Variants in OSGEPL1 observed in about 807,000 individuals in gnomAD.
The protein encoded by OSGEPL1 is O-sialoglycoprotein endopeptidase like 1.
In OSGEPL1, 26 loss-of-function variants were observed where a neutral mutation model predicts 37.2. The observed-to-expected ratio is 0.70, with a 90% CI of 0.51 to 0.97. OSGEPL1 has a LOEUF of 0.97. OSGEPL1 is among the 50% of genes least tolerant of loss of function. The probability of loss-of-function intolerance (pLI) is 0.00; values close to 1 mark genes in which losing one functional copy is unlikely to be tolerated. For synonymous variants in OSGEPL1, 140 were observed against 159.9 expected, an observed-to-expected ratio of 0.88 and a Z score of 0.94; for missense variants, 404 against 487.0, an observed-to-expected ratio of 0.83 and a Z score of 1.60.
At chr2:189,750,784 T>C in intron 7 of OSGEPL1, 128 bp from the exon 8 acceptor site, 1 of 612,858 alleles carries the variant, frequency 1.6e-6, no homozygotes, top group Non-Finnish European at 2.7e-6. Flanking sequence ...GTGGTGATGA[T>C]TCTTAAATAC....
At chr2:189,763,003 C>A, upstream of OSGEPL1, 3 of 985,316 alleles carry the variant, frequency 3.0e-6, no homozygotes, top group Non-Finnish European at 3.6e-6. Context: ...GTTTGTCTGA[C>A]TACACAACAT....
chr2:189,752,962 G>A lies in OSGEPL1; in HGVS notation c.981C>T (p.Val327=), dbSNP rs760750120. 9.3e-6 allele frequency: 15 copies of A among 1,611,536 alleles called. No homozygotes were observed. Among genetic ancestry groups the A allele is most frequent in the African/African-American group, 1.3e-5 (1 of 74,752 alleles). ...NNAVLVASGG[V]ASNFYIRRAL... is the part of the protein sequence containing the mutation. The stretch of plus-strand genomic sequence containing the variant: ...CTCTGCGGATATAGAAGTTACTTGC[G>A]ACACCACCAGATGCAACCTGAAGGA... The change falls in exon 6 of 9, where the codon GTC becomes GTT. Residue 327 remains valine, a synonymous_variant. Transcript: ENST00000264151.
At chr2:189,756,019 ATAAC>A (rs1466591871) in intron 2 of OSGEPL1, among the ~76,000 whole-genome samples, 1 of 152,212 alleles carries the variant, frequency 6.6e-6, no homozygotes, top group Non-Finnish European at 1.5e-5. Flanking sequence ...AAGAACTATA[ATAAC>A]TAACTGAATA....
rs1168281431 is a variant in OSGEPL1, at chr2:189,750,599, T to G, written c.1224A>C (p.Pro408=). The change falls in exon 8 of 9, where the codon CCA becomes CCC. Residue 408 remains proline (P), a synonymous_variant. Transcript: ENST00000264151. ...KEVGEASIKV[P]QLKMEI is the part of the protein sequence containing the mutation. ...GAAATCATATCTCCATTTTTAATTG[T>G]GGTACTTTTATGGAAGCTTCTCCAA... 3 of 1,586,698 alleles carry G rather than the reference T, an allele frequency of 1.9e-6. No individual in the cohort carries two copies. Among genetic ancestry groups the G allele is most frequent in the Non-Finnish European group, 8.6e-7 (1 of 1,163,466 alleles).
At position 189,755,284 on chromosome 2, in the gene OSGEPL1, TA is replaced by T. The variant is rs1376826391; in HGVS notation, c.497del (p.Leu166Ter). ...AGTGACCTCCAGAAATCAAAAGAAC[TA>T]AAAAAGGAAATTCTACTTTATTGGT... is the stretch of plus-strand genomic sequence containing the variant. ...RLTNKVEFPF[L>X]VLLISGGHCL... On this transcript the variant is annotated frameshift_variant, in exon 3 of 9. Coordinates refer to ENST00000264151, the MANE Select transcript of OSGEPL1 (RefSeq NM_022353.3). LOFTEE classifies it high-confidence loss of function. 1.4e-5 allele frequency: 22 copies of T among 1,613,106 alleles called. No individual in the cohort carries two copies. The highest frequency in any genetic ancestry group is 1.7e-5 in the Non-Finnish European group (20 of 1,179,676).
chr2:189,760,558 C>T (rs1408745243), intron 2 of OSGEPL1, among the ~76,000 whole-genome samples: 5 of 152,116 alleles, frequency 3.3e-5, no homozygotes, highest in African/African-American at 4.8e-5. Flanking sequence ...TTTGGGAGGC[C>T]GAGGTAGGTG....
In OSGEPL1 at chr2:189,750,453, A is replaced by T. The variant is rs1001483476; in HGVS notation, c.*28+97T>A. The T allele has an allele frequency of 5.9e-3, 2,654 of 446,370 alleles. 5 individuals carry two copies. The highest frequency in any genetic ancestry group is 0.01 in the South Asian group (294 of 29,340). 27.7% of individuals were successfully genotyped at this position (446,370 alleles called of 1,614,324 possible). ...AAGAGCAGGTAAAACATCAAATAGAAAAAAAAAAATAAAATCTTGATGAAT... is the reference window on the plus strand; with the variant it reads ...AAGAGCAGGTAAAACATCAAATAGATAAAAAAAAATAAAATCTTGATGAAT... On this transcript the variant is annotated intron_variant, in intron 8 of 8. Coordinates refer to ENST00000264151, the MANE Select transcript of OSGEPL1 (RefSeq NM_022353.3).
At position 189,755,165 on chromosome 2, in the gene OSGEPL1, T is replaced by G. The variant is rs373260336; in HGVS notation, c.609+8A>C. The G allele has an allele frequency of 3.2e-5, 51 of 1,593,584 alleles. No individual in the cohort carries two copies. The highest frequency in any genetic ancestry group is 4.1e-5 in the Non-Finnish European group (48 of 1,175,334). On this transcript the variant is annotated splice_region_variant and intron_variant, in intron 3 of 8. Coordinates refer to ENST00000264151, the MANE Select transcript of OSGEPL1 (RefSeq NM_022353.3). ...CAAAAAAGAATGGAGAAATTAATTCTTAATTACCTTGTCAAGCATGTCACC... is the reference window on the plus strand; with the variant it reads ...CAAAAAAGAATGGAGAAATTAATTCGTAATTACCTTGTCAAGCATGTCACC...
rs200883923 is a variant in OSGEPL1 at position 189,755,406 on chromosome 2, C to T, written c.376G>A (p.Val126Met). ...IKPGLALSLG[V>M]GLSFSLQLVG... ...AGCTGTAAGCTAAATGATAAGCCCA[C>T]TCCCAGGCTTAAAGCAAGTCCTGGT... The change falls in exon 3 of 9, where the codon GTG becomes ATG. Residue 126 changes from valine to methionine, a missense_variant. Coordinates refer to ENST00000264151, the MANE Select transcript of OSGEPL1 (RefSeq NM_022353.3). 133 of 1,611,694 alleles carry T rather than the reference C, an allele frequency of 8.3e-5. No individual in the cohort carries two copies. Among genetic ancestry groups the T allele is most frequent in the Admixed American group, 8.4e-5 (5 of 59,212 alleles).
Position 189,750,582 on chromosome 2 carries a change from A to T in OSGEPL1, c.1241T>A (p.Ile414Lys). ...GACTTTTTTGAACAGCAGAAATCAT[A>T]TCTCCATTTTTAATTGTGGTACTTT... is the stretch of plus-strand genomic sequence containing the variant. ...SIKVPQLKME[I>K] The change falls in exon 8 of 9, where the codon ATA (isoleucine) becomes AAA (lysine). Residue 414 changes from isoleucine to lysine, a missense_variant. Transcript: ENST00000264151. The T allele has an allele frequency of 6.4e-7, 1 of 1,560,856 alleles. No homozygotes were observed. Among genetic ancestry groups the T allele is most frequent in the South Asian group, 1.2e-5 (1 of 85,928 alleles).
intron 2 of OSGEPL1, among the ~76,000 whole-genome samples, chr2:189,759,171 G>A (rs544103553): frequency 2.4e-4 from 36 of 152,004 alleles, no homozygotes; most frequent in African/African-American, 8.7e-4. Flanking sequence ...CATAGTTATT[G>A]TTTGAGGCTC....
In OSGEPL1 at chr2:189,758,084, T is replaced by G. The variant is rs1225858325; in HGVS notation, c.222-2524A>C. On this transcript the variant is annotated intron_variant, in intron 2 of 8. Coordinates refer to ENST00000264151, the MANE Select transcript of OSGEPL1 (RefSeq NM_022353.3). ...TAGTCAATGAGTTCTCATGAGATCT[T>G]GTTGTTTAAAAGTGTGGGCCGGGAG... 3.3e-5 allele frequency among the ~76,000 whole-genome samples: 5 copies of G among 152,164 alleles called. No homozygotes were observed. The East Asian group carries it at 9.7e-4, about 29-fold the overall frequency.
At chr2:189,752,443 C>T (rs1477800182) in intron 7 of OSGEPL1, among the ~76,000 whole-genome samples, 7 of 152,202 alleles carry the variant, frequency 4.6e-5, no homozygotes, top group Non-Finnish European at 7.3e-5. Context: ...TTCTAACTCA[C>T]CTAAACTTGC....
intron 1 of OSGEPL1, among the ~76,000 whole-genome samples, chr2:189,762,265 T>C (rs149604514): frequency 1.8e-3 from 267 of 152,306 alleles, no homozygotes; most frequent in African/African-American, 6.0e-3. Flanking sequence ...CCCAAAATAA[T>C]AGCAGCCCAT....
intron 3 of OSGEPL1, 59 bp from the exon 4 acceptor site, chr2:189,754,404 G>A: frequency 7.0e-7 from 1 of 1,429,928 alleles, no homozygotes; most frequent in South Asian, 1.3e-5. Context: ...ACGAAAAGAT[G>A]CAAAGGAAAT....
At chr2:189,756,424 T>G (rs1233120478) in intron 2 of OSGEPL1, among the ~76,000 whole-genome samples, 2 of 152,198 alleles carry the variant, frequency 1.3e-5, no homozygotes, top group Non-Finnish European at 2.9e-5. Context: ...AAAAATCATC[T>G]TCCAATATTT....
At chr2:189,758,370 A>C (rs1288368830) in intron 2 of OSGEPL1, among the ~76,000 whole-genome samples, 8 of 151,872 alleles carry the variant, frequency 5.3e-5, no homozygotes, top group Non-Finnish European at 1.0e-4. Context: ...AACAAGAGCA[A>C]AACTCCATCT....
chr2:189,760,293 C>T (rs1257239714), intron 2 of OSGEPL1, among the ~76,000 whole-genome samples: 2 of 152,178 alleles, frequency 1.3e-5, no homozygotes, highest in Non-Finnish European at 2.9e-5. Context: ...GACGGGGTGG[C>T]AGCCGGGCAG....
At chr2:189,751,025 A>G (rs986871737) in intron 7 of OSGEPL1, among the ~76,000 whole-genome samples, 1 of 152,244 alleles carries the variant, frequency 6.6e-6, no homozygotes, top group African/African-American at 2.4e-5. Flanking sequence ...ACCTGTATCC[A>G]TTCACATTTT....
Sources: allele counts gnomAD v4.1 joint callset (sites outside exome capture counted in the v4.1 genomes callset), GRCh38; gene constraint gnomAD v4.1.1; transcripts MANE v1.5; gene names NCBI Gene and HGNC (gene_info 2026-07-23, HGNC 2026-07-21).